ZDHHC11: variants seen among roughly 807,000 people sequenced by gnomAD.
The protein encoded by ZDHHC11 is palmitoyltransferase ZDHHC11.
Under a neutral mutation model 51.3 loss-of-function variants are expected in ZDHHC11, and 44 were observed. The ratio of observed to expected loss-of-function variants is 0.86; its 90% confidence interval spans 0.67 to 1.10. The LOEUF is 1.10. Among genes scored for constraint, ZDHHC11 ranks in the 50% least tolerant of loss-of-function variants. ZDHHC11 has a pLI of 0.00. For synonymous variants in ZDHHC11, 163 were observed against 222.0 expected, an observed-to-expected ratio of 0.73 and a Z score of 2.36; for missense variants, 400 against 537.7, an observed-to-expected ratio of 0.74 and a Z score of 2.53.
At chr5:847,414 C>T (rs1746425148) in intron 3 of ZDHHC11, 100 bp downstream of exon 3, 8 of 1,538,604 alleles carry the variant, frequency 5.2e-6, no homozygotes, top group Non-Finnish European at 7.1e-6. Flanking sequence ...CCCAAGAGGA[C>T]CCTCCACCCT....
At chr5:857,482 G>A (rs1289819302) in intron 1 of ZDHHC11, among the ~76,000 whole-genome samples, 3 of 152,142 alleles carry the variant, frequency 2.0e-5, no homozygotes, top group Non-Finnish European at 4.4e-5. Context: ...ATGACACCAG[G>A]CCCCCAGAGT....
chr5:842,970 C>A (rs1745286243), intron 4 of ZDHHC11, among the ~76,000 whole-genome samples: 2 of 152,280 alleles, frequency 1.3e-5, no homozygotes, highest in Admixed American at 1.3e-4. Flanking sequence ...GACATCCCAG[C>A]ACGACCCTCC....
At chr5:842,734 G>C (rs1190560810) in intron 4 of ZDHHC11, 1 of 906,584 alleles carries the variant, frequency 1.1e-6, no homozygotes, top group Non-Finnish European at 1.3e-6. Context: ...GACTCTTGCA[G>C]TCTGAGGCAG....
intron 9 of ZDHHC11, among the ~76,000 whole-genome samples, chr5:820,075 T>G (rs1741372261): frequency 6.6e-6 from 1 of 151,524 alleles, no homozygotes; most frequent in South Asian, 2.1e-4. Flanking sequence ...CATGTCGATT[T>G]GGCAATCATT....
At chr5:834,401 C>G (rs1245009063) in intron 6 of ZDHHC11, among the ~76,000 whole-genome samples, 1 of 152,290 alleles carries the variant, frequency 6.6e-6, no homozygotes, top group African/African-American at 2.4e-5. Context: ...TCTTGAACTC[C>G]TGGCCTCAAG....
At chr5:809,020 C>CACACACGCA (rs1390690453) in intron 11 of ZDHHC11, among the ~76,000 whole-genome samples, 1 of 142,430 alleles carries the variant, frequency 7.0e-6, no homozygotes, top group African/African-American at 2.5e-5. Context: ...CACACGCACA[C>CACACACGCA]TATTTATTCC....
chr5:835,904 G>A (rs1415708875), intron 6 of ZDHHC11, among the ~76,000 whole-genome samples: 1 of 151,018 alleles, frequency 6.6e-6, no homozygotes, highest in Non-Finnish European at 1.5e-5. Context: ...ATAGAGATGT[G>A]CGAGCGTGTA....
chr5:819,597 GT>G lies in ZDHHC11; in HGVS notation c.1073del (p.Asn358ThrfsTer4). The G allele has an allele frequency of 6.2e-7, 1 of 1,609,626 alleles. No individual in the cohort carries two copies. Among genetic ancestry groups the G allele is most frequent in the Non-Finnish European group, 8.5e-7 (1 of 1,176,510 alleles). On this transcript the variant is annotated frameshift_variant, in exon 10 of 13. Coordinates refer to ENST00000283441, the MANE Select transcript of ZDHHC11 (RefSeq NM_024786.3). LOFTEE classifies it high-confidence loss of function. ...CPSALGAKARNSRLICRRLCQ... is the reference protein window; with the variant it reads ...CPSALGAKARXSRLICRRLCQ... Reference sequence around the variant, plus strand: ...ACAGGCGCCTGCAAATCAGCCGGGAGTTCCTGGCCTTGGCTCTGGTGGGGCA... The same window carrying G: ...ACAGGCGCCTGCAAATCAGCCGGGAGTCCTGGCCTTGGCTCTGGTGGGGCA...
intron 10 of ZDHHC11, among the ~76,000 whole-genome samples, chr5:817,691 C>T (rs1173955189): frequency 2.6e-5 from 4 of 151,106 alleles, no homozygotes; most frequent in Non-Finnish European, 5.9e-5. Context: ...TGGGACTGAG[C>T]TGTGTGTGTG....
intron 10 of ZDHHC11, 34 bp downstream of exon 10, chr5:819,491 G>A (rs1350985826): frequency 1.9e-6 from 3 of 1,597,482 alleles, no homozygotes; most frequent in Non-Finnish European, 2.6e-6. Context: ...ACATGGCCCT[G>A]TCCTCGGGGA....
At chr5:843,235 G>A in intron 4 of ZDHHC11, 1 of 412,898 alleles carries the variant, frequency 2.4e-6, no homozygotes, top group Non-Finnish European at 4.6e-6. Flanking sequence ...TGCTCCTGCA[G>A]GATGGGCACC....
chr5:847,328 A>C (rs1746404688), intron 3 of ZDHHC11, among the ~76,000 whole-genome samples, 186 bp downstream of exon 3: 1 of 151,712 alleles, frequency 6.6e-6, no homozygotes, highest in South Asian at 2.1e-4. Context: ...GGACGGCTGC[A>C]CCACAGCCCC....
intron 7 of ZDHHC11, among the ~76,000 whole-genome samples, chr5:829,891 C>T (rs1409681162): frequency 1.3e-5 from 2 of 151,152 alleles, no homozygotes; most frequent in South Asian, 2.1e-4. Flanking sequence ...AACAAAAAAT[C>T]AGAGATCTCA....
At chr5:843,093 C>T (rs1313266979) in intron 4 of ZDHHC11, among the ~76,000 whole-genome samples, 2 of 152,292 alleles carry the variant, frequency 1.3e-5, no homozygotes, top group South Asian at 4.1e-4. Context: ...ACCGCCACGT[C>T]TCTCCAGTGG....
In ZDHHC11 at chr5:838,865, A is replaced by C. The variant is rs547521294; in HGVS notation, c.785-1385T>G. Among the ~76,000 whole-genome samples, 7 of 149,520 alleles carry C rather than the reference A, an allele frequency of 4.7e-5. No homozygotes were observed. The East Asian group carries it at 1.3e-3, about 29-fold the overall frequency. Reference sequence around the variant, plus strand: ...CTGCAGCACCCCACGTGCTCAGCACACAGTGGGCATTGACTATTTTAACCC... The same window carrying C: ...CTGCAGCACCCCACGTGCTCAGCACCCAGTGGGCATTGACTATTTTAACCC... On this transcript the variant is annotated intron_variant, in intron 5 of 12. Coordinates refer to ENST00000283441, the MANE Select transcript of ZDHHC11 (RefSeq NM_024786.3).
chr5:844,726 A>G (rs60217173), intron 3 of ZDHHC11, among the ~76,000 whole-genome samples: 10,179 of 146,128 alleles, frequency 0.07, 6 homozygotes, highest in African/African-American at 0.23. Flanking sequence ...GAGCCCGGCC[A>G]CACCTCGGCT....
chr5:828,163 G>A (rs1022260676), intron 7 of ZDHHC11, among the ~76,000 whole-genome samples: 3 of 151,496 alleles, frequency 2.0e-5, no homozygotes, highest in African/African-American at 4.9e-5. Context: ...GCAACCATCC[G>A]ATTTCTCAAT....
intron 1 of ZDHHC11, among the ~76,000 whole-genome samples, chr5:848,954 TGCTCACCCGAGCCCA>T (rs1360365826): frequency 6.6e-6 from 1 of 151,326 alleles, no homozygotes; most frequent in Non-Finnish European, 1.5e-5. Context: ...CACCCAGCCC[TGCTCACCCGAGCCCA>T]GCTCACCCAT....
At chr5:810,201 C>T (rs1739902903) in intron 11 of ZDHHC11, among the ~76,000 whole-genome samples, 1 of 84,648 alleles carries the variant, frequency 1.2e-5, no homozygotes, top group South Asian at 4.8e-4. Context: ...ATGACGCTTA[C>T]ATGGAAAGCA....
Sources: gnomAD v4.1 joint callset for allele counts (sites outside exome capture counted in the v4.1 genomes callset) on GRCh38, gnomAD v4.1.1 for gene constraint, MANE v1.5 for transcripts, NCBI Gene and HGNC (gene_info 2026-07-23, HGNC 2026-07-21) for gene names.